BLK: variants seen among roughly 807,000 people sequenced by gnomAD.
BLK encodes BLK proto-oncogene, Src family tyrosine kinase.
BLK carries 64 observed loss-of-function variants against 61.8 expected under a neutral mutation model. The ratio of observed to expected loss-of-function variants is 1.03; its 90% CI spans 0.85 to 1.27. The LOEUF is 1.27. Ranked by LOEUF, BLK falls within the 50% of genes most tolerant of loss-of-function variation. BLK has a pLI of 0.00. For synonymous variants in BLK, 351 were observed against 272.0 expected, an observed-to-expected ratio of 1.29 and a Z score of -2.86; for missense variants, 853 against 660.5, an observed-to-expected ratio of 1.29 and a Z score of -3.19.
chr8:11,560,222 CATGG>C (rs1801438899), intron 10 of BLK: 1 of 60,390 alleles, frequency 1.7e-5, no homozygotes, highest in Non-Finnish European at 2.8e-5. Context: ...TGGATGCATG[CATGG>C]ATGGATGAAT....
At chr8:11,500,308 C>G (rs1489991179) in intron 1 of BLK, among the ~76,000 whole-genome samples, 1 of 152,132 alleles carries the variant, frequency 6.6e-6, no homozygotes, top group Non-Finnish European at 1.5e-5. Context: ...ACTCTCCCAC[C>G]TCAGCCTCCC....
At chr8:11,543,838 G>GA (rs558233334) in intron 2 of BLK, among the ~76,000 whole-genome samples, 5 of 150,356 alleles carry the variant, frequency 3.3e-5, no homozygotes, top group Non-Finnish European at 5.9e-5. Flanking sequence ...CTTTCCAAAG[G>GA]AAAAAAAAAG....
At chr8:11,533,683 G>T (rs1799996799) in intron 1 of BLK, among the ~76,000 whole-genome samples, 1 of 150,828 alleles carries the variant, frequency 6.6e-6, no homozygotes. Context: ...GATGGGGAGG[G>T]GGAGGATCTA....
chr8:11,523,481 A>C (rs1041916282), intron 1 of BLK, among the ~76,000 whole-genome samples: 1 of 152,202 alleles, frequency 6.6e-6, no homozygotes, highest in African/African-American at 2.4e-5. Context: ...TGAACCCCGG[A>C]GAAGGAGATT....
intron 1 of BLK, among the ~76,000 whole-genome samples, chr8:11,513,369 A>G (rs2618455): frequency 0.84 from 127,229 of 152,172 alleles, 53,346 homozygotes; most frequent in Admixed American, 0.89. Context: ...GAGTGGAGAG[A>G]CGAAGAGAAA....
At position 11,563,057 on chromosome 8, in the gene BLK, C is replaced by T. The variant is rs1265223782; in HGVS notation, c.1259C>T (p.Ser420Leu). The part of the protein sequence containing the change: ...GVFTIKADVW[S>L]FGVLLMEVVT... ...TTCACCATCAAAGCAGACGTGTGGTCGTTTGGAGTCCTCCTGATGGAAGTT... is the reference window on the plus strand; with the variant it reads ...TTCACCATCAAAGCAGACGTGTGGTTGTTTGGAGTCCTCCTGATGGAAGTT... Residue 420 changes from serine to leucine, a missense_variant, in exon 12 of 13, where the codon TCG (serine) becomes TTG (leucine). By Grantham distance (145) the Ser-to-Leu change is moderately radical (BLOSUM62 -2). Transcript: ENST00000259089. The T allele has an allele frequency of 1.2e-5, 20 of 1,614,006 alleles. No individual in the cohort carries two copies. Among genetic ancestry groups the T allele is most frequent in the Non-Finnish European group, 1.5e-5 (18 of 1,180,040 alleles).
chr8:11,555,277 G>C, intron 7 of BLK, 55 bp from the exon 8 acceptor site: 1 of 1,610,264 alleles, frequency 6.2e-7, no homozygotes, highest in Admixed American at 1.7e-5. Flanking sequence ...AGCTCCCAAG[G>C]TAGAGCCTGG....
In BLK at chr8:11,499,706, G is replaced by A. The variant is rs79103459; in HGVS notation, c.-2+5115G>A. On this transcript the variant is annotated intron_variant, in intron 1 of 12. Coordinates refer to ENST00000259089, the MANE Select transcript of BLK (RefSeq NM_001715.3). ...AAATCCATGCCTCTCTGGAGCAATG[G>A]ATGTCTTACAGACACTGTGACTCTT... 5.5e-3 allele frequency among the ~76,000 whole-genome samples: 833 copies of A among 152,266 alleles called. 5 individuals are homozygous for A. The highest frequency in any genetic ancestry group is 0.014 in the Middle Eastern group (4 of 294).
chr8:11,516,923 A>G (rs1335957668), intron 1 of BLK, among the ~76,000 whole-genome samples: 1 of 152,214 alleles, frequency 6.6e-6, no homozygotes, highest in Non-Finnish European at 1.5e-5. Flanking sequence ...GCTTTCTGTC[A>G]TTCTGGATAC....
chr8:11,516,514 C>T (rs925193048), intron 1 of BLK, among the ~76,000 whole-genome samples: 5 of 152,182 alleles, frequency 3.3e-5, no homozygotes, highest in Non-Finnish European at 7.3e-5. Flanking sequence ...TCTAGTAGGT[C>T]TTATGCATTT....
At chr8:11,553,665 C>G in intron 6 of BLK, 1 of 172,504 alleles carries the variant, frequency 5.8e-6, no homozygotes, top group Non-Finnish European at 1.2e-5. Flanking sequence ...CACAGCTGCA[C>G]CCGGGCAGGG....
At chr8:11,511,975 ATTGT>A (rs1456278836) in intron 1 of BLK, among the ~76,000 whole-genome samples, 1 of 152,196 alleles carries the variant, frequency 6.6e-6, no homozygotes, top group Non-Finnish European at 1.5e-5. Context: ...GTTTTCTGTG[ATTGT>A]TTGATTATTT....
At chr8:11,543,387 C>T in intron 2 of BLK, 40 bp downstream of exon 2, 1 of 1,608,746 alleles carries the variant, frequency 6.2e-7, no homozygotes, top group Non-Finnish European at 8.5e-7. Flanking sequence ...AGATTACTTA[C>T]TTCTCCTATG....
At chr8:11,495,760 T>C (rs1439654736) in intron 1 of BLK, among the ~76,000 whole-genome samples, 2 of 152,132 alleles carry the variant, frequency 1.3e-5, no homozygotes, top group Non-Finnish European at 2.9e-5. Flanking sequence ...CAAAGGTCAT[T>C]AGTGGAAAAA....
intron 1 of BLK, among the ~76,000 whole-genome samples, chr8:11,514,612 T>C (rs1799152090): frequency 6.6e-6 from 1 of 152,142 alleles, no homozygotes; most frequent in Non-Finnish European, 1.5e-5. Flanking sequence ...GTGGGCCTTC[T>C]CCATCCACCC....
intron 11 of BLK, among the ~76,000 whole-genome samples, chr8:11,561,743 G>A (rs992456283): frequency 5.3e-5 from 8 of 152,138 alleles, no homozygotes; most frequent in African/African-American, 1.7e-4. Context: ...ACATATTAAA[G>A]GCACTGAGAA....
intron 1 of BLK, among the ~76,000 whole-genome samples, chr8:11,533,865 A>C (rs868748352): frequency 2.0e-5 from 3 of 152,278 alleles, no homozygotes; most frequent in Admixed American, 6.5e-5. Flanking sequence ...GAAATAATTC[A>C]TTTCATGGAG....
rs138470888 is a variant in BLK at position 11,533,520 on chromosome 8, G to T, written c.-1-9704G>T. 4.0e-5 allele frequency among the ~76,000 whole-genome samples: 6 copies of T among 151,540 alleles called. No individual in the cohort carries two copies. In the South Asian group the frequency reaches 1.0e-3, roughly 26 times the overall value. ...GTGAACCTCCGTGGGAAAGACCAAG[G>T]GTTTGAAGTCAGAGATGTGGCTCAA... On this transcript the variant is annotated intron_variant, in intron 1 of 12. Coordinates refer to ENST00000259089, the MANE Select transcript of BLK (RefSeq NM_001715.3).
At chr8:11,502,989 T>A (rs1030280754) in intron 1 of BLK, among the ~76,000 whole-genome samples, 3 of 152,146 alleles carry the variant, frequency 2.0e-5, no homozygotes, top group Admixed American at 6.5e-5. Flanking sequence ...ACGGCTACTG[T>A]TTTCCACAAC....
Sources: allele counts gnomAD v4.1 joint callset (sites outside exome capture counted in the v4.1 genomes callset), GRCh38; gene constraint gnomAD v4.1.1; transcripts MANE v1.5; gene names NCBI Gene and HGNC (gene_info 2026-07-23, HGNC 2026-07-21).